FAM228A: variants seen among roughly 807,000 people sequenced by gnomAD.
The protein encoded by FAM228A is protein FAM228A.
In FAM228A, 13 loss-of-function variants were observed where a neutral mutation model predicts 18.6. That is an observed-to-expected ratio of 0.70 (90% CI 0.45 to 1.11). The LOEUF (loss-of-function observed/expected upper bound fraction) is 1.11, where lower values mean the gene tolerates loss of function less well. FAM228A is among the 50% of genes least tolerant of loss of function. The pLI, the probability that FAM228A is intolerant of heterozygous loss-of-function variation, is 0.00. For missense variants in FAM228A, 240 were observed against 242.2 expected (o/e 0.99, Z 0.06); for synonymous variants, 77 against 86.6 (o/e 0.89, Z 0.61).
chr2:24,183,432 A>T, intron 4 of FAM228A, 60 bp downstream of exon 4: 1 of 1,609,650 alleles, frequency 6.2e-7, no homozygotes, highest in African/African-American at 1.3e-5. Flanking sequence ...GTGATTTCTC[A>T]CTCCTTCAAG....
chr2:24,186,232 T>C (rs1288748713), intron 5 of FAM228A, among the ~76,000 whole-genome samples: 1 of 152,142 alleles, frequency 6.6e-6, no homozygotes, highest in Admixed American at 6.6e-5. Flanking sequence ...ACTCCTGACC[T>C]CAGGTGATCC....
At chr2:24,177,324 CAGCT>C (rs1465656145) in intron 2 of FAM228A, among the ~76,000 whole-genome samples, 1 of 152,120 alleles carries the variant, frequency 6.6e-6, no homozygotes, top group East Asian at 1.9e-4. Context: ...CCTGTAATCC[CAGCT>C]ACTTGGGAGG....
At chr2:24,177,569 G>A (rs1459934943) in intron 2 of FAM228A, among the ~76,000 whole-genome samples, 1 of 151,850 alleles carries the variant, frequency 6.6e-6, no homozygotes, top group Non-Finnish European at 1.5e-5. Context: ...TGGGTGGGGG[G>A]GTGCTGAAAA....
At chr2:24,182,086 A>G (rs539128129) in intron 3 of FAM228A, among the ~76,000 whole-genome samples, 45 of 152,276 alleles carry the variant, frequency 3.0e-4, no homozygotes, top group Admixed American at 7.8e-4. Context: ...TCTACTGGAG[A>G]TACAGGAAGG....
chr2:24,188,518 T>A (rs1387709137), intron 5 of FAM228A: 1 of 985,306 alleles, frequency 1.0e-6, no homozygotes, highest in Non-Finnish European at 1.2e-6. Context: ...GACTTGCCTC[T>A]TAGCGGGAGG....
chr2:24,190,702 G>A lies in FAM228A; in HGVS notation c.*71G>A. On this transcript the variant is annotated 3_prime_UTR_variant, in exon 6 of 6. Transcript: ENST00000295150. ...GGAGGCATGGCCCAAGAAGAAGGGT[G>A]TGAAGAGGAGGAGGGAGAAATGGCG... The A allele has an allele frequency of 6.8e-7, 1 of 1,463,734 alleles. No individual in the cohort carries two copies. The highest frequency in any genetic ancestry group is 2.4e-5 in the East Asian group (1 of 41,494). 90.7% of individuals were successfully genotyped at this position (1,463,734 alleles called of 1,614,324 possible).
At position 24,176,322 on chromosome 2, in the gene FAM228A, A is replaced by G. The variant is rs1026196577; in HGVS notation, c.93+749A>G. On this transcript the variant is annotated intron_variant, in intron 2 of 5. Transcript: ENST00000295150. ...CAGGATACATGTTTAATTGTTTTACATACTTTTTCAGTTGCCATCTTCATT... is the reference window on the plus strand; with the variant it reads ...CAGGATACATGTTTAATTGTTTTACGTACTTTTTCAGTTGCCATCTTCATT... The G allele has an allele frequency of 5.7e-6, 3 of 530,138 alleles. No homozygotes were observed. The African/African-American group carries it at 6.3e-5, about 11-fold the overall frequency. The allele number at this position is 530,138 out of a possible 1,614,324, so 32.8% of individuals were successfully genotyped here. A position where few individuals can be genotyped will look rare whatever the true frequency, so the allele number is the denominator to read the frequency against.
chr2:24,190,443 C>CAGAAA lies in FAM228A; in HGVS notation c.442_446dup (p.Lys151ArgfsTer7). The CAGAAA allele has an allele frequency of 6.2e-7, 1 of 1,613,592 alleles. No individual in the cohort carries two copies. On this transcript the variant is annotated frameshift_variant, in exon 6 of 6. Coordinates refer to ENST00000295150, the MANE Select transcript of FAM228A (RefSeq NM_001040710.3). LOFTEE classifies it low-confidence loss of function (END_TRUNC). The stretch of plus-strand genomic sequence containing the variant: ...AAAGCTCATCTATGCAGACAAGAAA[C>CAGAAA]AGAAAAGAAAAGAGAAAAAGACGGC...
At position 24,183,740 on chromosome 2, in the gene FAM228A, A is replaced by G. The variant is rs543718683; in HGVS notation, c.401+95A>G. 797 of 980,400 alleles carry G rather than the reference A, an allele frequency of 8.1e-4. 3 individuals carry two copies. The Middle Eastern group carries it at 8.3e-3, about 10-fold the overall frequency. 60.7% of individuals were successfully genotyped at this position (980,400 alleles called of 1,614,324 possible). A position where few individuals can be genotyped will look rare whatever the true frequency, so the allele number is the denominator to read the frequency against. ...GTAACTAGTCACACTTTTGTCTTTTAGTAGTTTATAGTTTTATTATTATTA... is the reference window on the plus strand; with the variant it reads ...GTAACTAGTCACACTTTTGTCTTTTGGTAGTTTATAGTTTTATTATTATTA... On this transcript the variant is annotated intron_variant, in intron 5 of 5. Transcript: ENST00000295150.
chr2:24,189,053 C>A (rs11125478), intron 5 of FAM228A, among the ~76,000 whole-genome samples: 48 of 152,054 alleles, frequency 3.2e-4, no homozygotes, highest in Admixed American at 1.9e-3. Context: ...ATAGCCCCCC[C>A]ACCCCCACAA....
intron 3 of FAM228A, among the ~76,000 whole-genome samples, chr2:24,181,712 A>C (rs1573804041): frequency 6.6e-6 from 1 of 152,294 alleles, no homozygotes; most frequent in East Asian, 1.9e-4. Context: ...GAAGAAAAAG[A>C]AACCAAATTA....
In FAM228A at chr2:24,187,005, T is replaced by G. The variant is rs534422380; in HGVS notation, c.401+3360T>G. On this transcript the variant is annotated intron_variant, in intron 5 of 5. Transcript: ENST00000295150. ...CAAACATTTTCAAATGCACTGAATG[T>G]AGAGAGTGCAACACATTCCTATGTA... Among the ~76,000 whole-genome samples, 5 of 152,326 alleles carry G rather than the reference T, an allele frequency of 3.3e-5. No individual in the cohort carries two copies. The East Asian group carries it at 9.6e-4, about 29-fold the overall frequency.
At chr2:24,188,606 C>T (rs1314263794) in intron 5 of FAM228A, 2 of 985,364 alleles carry the variant, frequency 2.0e-6, no homozygotes, top group East Asian at 1.1e-4. Flanking sequence ...ACCAAAGATG[C>T]TAGAAGCACA....
intron 2 of FAM228A, chr2:24,175,780 A>G: frequency 1.2e-6 from 1 of 831,680 alleles, no homozygotes; most frequent in Non-Finnish European, 1.7e-6. Flanking sequence ...TGGCGCACCG[A>G]CGGGGGCGGG....
At chr2:24,179,458 G>A (rs1667765944) in intron 3 of FAM228A, among the ~76,000 whole-genome samples, 1 of 152,188 alleles carries the variant, frequency 6.6e-6, no homozygotes. Context: ...GGAGGGGATA[G>A]GAGTGTTGAT....
At chr2:24,183,394 T>C (rs1157958510) in intron 4 of FAM228A, 22 bp downstream of exon 4, 1 of 1,610,140 alleles carries the variant, frequency 6.2e-7, no homozygotes, top group Non-Finnish European at 8.5e-7. Flanking sequence ...TCACTGGGCC[T>C]CATTTTTTTG....
chr2:24,189,370 G>A (rs937838558), intron 5 of FAM228A, among the ~76,000 whole-genome samples: 2 of 152,226 alleles, frequency 1.3e-5, no homozygotes, highest in Admixed American at 1.3e-4. Context: ...TCTGGGTCAA[G>A]TCAGCACATT....
chr2:24,175,754 T>G, intron 2 of FAM228A, 181 bp downstream of exon 2: 2 of 742,644 alleles, frequency 2.7e-6, no homozygotes, highest in Non-Finnish European at 4.1e-6. Flanking sequence ...GTGTTTCCAG[T>G]CGCCAGCCTG....
chr2:24,184,107 C>T (rs766359511), intron 5 of FAM228A, among the ~76,000 whole-genome samples: 3 of 152,170 alleles, frequency 2.0e-5, no homozygotes, highest in Admixed American at 6.5e-5. Flanking sequence ...AGGCCGGGCA[C>T]GGTGGCTCAC....
Sources: gnomAD v4.1 joint callset for allele counts (sites outside exome capture counted in the v4.1 genomes callset) on GRCh38, gnomAD v4.1.1 for gene constraint, MANE v1.5 for transcripts, NCBI Gene and HGNC (gene_info 2026-07-23, HGNC 2026-07-21) for gene names.